USP48: variants seen among roughly 807,000 people sequenced by gnomAD.
USP48 encodes the protein ubiquitin carboxyl-terminal hydrolase 48.
In USP48, 43 loss-of-function variants were observed where a neutral mutation model predicts 150.7. That is an observed-to-expected ratio of 0.29 (90% CI 0.22 to 0.37). The LOEUF (loss-of-function observed/expected upper bound fraction) is 0.37. USP48 is among the 10% of genes least tolerant of loss of function. The pLI is 1.00. For synonymous variants in USP48, 396 were observed against 425.9 expected, an observed-to-expected ratio of 0.93 and a Z score of 0.86; for missense variants, 813 against 1,249.6, an observed-to-expected ratio of 0.65 and a Z score of 5.27.
Position 21,687,081 on chromosome 1 carries a change from C to T in USP48, c.3058+110G>A, listed in dbSNP as rs577356833. On this transcript the variant is annotated intron_variant, in intron 25 of 26. Coordinates refer to ENST00000308271, the MANE Select transcript of USP48 (RefSeq NM_032236.8). ...ATTCTACTGTAACAATATGTGGAAG[C>T]TTTTTTCAAGGTTCAAAGTAAAAGC... The T allele has an allele frequency of 5.9e-6, 6 of 1,011,774 alleles. No individual in the cohort carries two copies. The South Asian group carries it at 7.3e-5, about 12-fold the overall frequency. 62.7% of individuals were successfully genotyped at this position (1,011,774 alleles called of 1,614,324 possible).
At chr1:21,685,476 G>A (rs1304958397) in intron 25 of USP48, among the ~76,000 whole-genome samples, 3 of 151,802 alleles carry the variant, frequency 2.0e-5, no homozygotes, top group Non-Finnish European at 4.4e-5. Context: ...TACTACGCCT[G>A]GTTAATTTTT....
intron 23 of USP48, among the ~76,000 whole-genome samples, chr1:21,694,119 T>TA (rs1158528841): frequency 1.3e-5 from 2 of 152,166 alleles, no homozygotes; most frequent in African/African-American, 4.8e-5. Context: ...TCAGTATTGA[T>TA]ACCAAGAAAT....
At chr1:21,689,042 A>G (rs1382743417) in intron 24 of USP48, among the ~76,000 whole-genome samples, 8 of 151,926 alleles carry the variant, frequency 5.3e-5, no homozygotes, top group Non-Finnish European at 1.2e-4. Context: ...CTTTAATACT[A>G]TGACGTATGG....
At chr1:21,739,468 G>A (rs140525509) in intron 8 of USP48, among the ~76,000 whole-genome samples, 2,061 of 130,942 alleles carry the variant, frequency 0.016, 22 homozygotes, top group Non-Finnish European at 0.023. Context: ...GCAGTGAGCC[G>A]AGATCATGCC....
chr1:21,710,250 A>G (rs2097686726), intron 15 of USP48, among the ~76,000 whole-genome samples: 1 of 152,202 alleles, frequency 6.6e-6, no homozygotes, highest in Non-Finnish European at 1.5e-5. Flanking sequence ...AGTAAACATA[A>G]CTAGAATATC....
chr1:21,718,031 G>A (rs1156666532), intron 14 of USP48, among the ~76,000 whole-genome samples: 1 of 152,196 alleles, frequency 6.6e-6, no homozygotes, highest in Non-Finnish European at 1.5e-5. Context: ...TGCATATATT[G>A]AAGAAAATTT....
At chr1:21,751,729 C>T (rs138475225) in intron 5 of USP48, 114 bp from the exon 6 acceptor site, 1 of 789,686 alleles carries the variant, frequency 1.3e-6, no homozygotes, top group African/African-American at 1.7e-5. Context: ...ATTAGTTCTC[C>T]TTCACAGAAA....
chr1:21,694,586 A>AAC (rs2097617485), intron 23 of USP48, among the ~76,000 whole-genome samples: 1 of 130,066 alleles, frequency 7.7e-6, no homozygotes, highest in African/African-American at 2.8e-5. Flanking sequence ...AAAAAAAAAA[A>AAC]AAAAAAAAAA....
intron 26 of USP48, among the ~76,000 whole-genome samples, chr1:21,680,182 A>ACAACCTGC (rs1024557588): frequency 4.6e-5 from 7 of 152,338 alleles, no homozygotes; most frequent in Non-Finnish European, 8.8e-5. Context: ...TTAGAAAATC[A>ACAACCTGC]CAACCTGCCA....
rs369226345 is a variant in USP48 at position 21,724,100 on chromosome 1, G to C, written c.1451-5C>G. The C allele has an allele frequency of 3.1e-6, 5 of 1,613,962 alleles. No individual in the cohort carries two copies. Among genetic ancestry groups the C allele is most frequent in the Non-Finnish European group, 4.2e-6 (5 of 1,179,898 alleles). The stretch of plus-strand genomic sequence containing the variant: ...GAGAGACAAACTCATAGGGCTCTGA[G>C]AAAGCAAGCATCGGAAAGAGCCTAT... On this transcript the variant is annotated splice_region_variant and splice_polypyrimidine_tract_variant and intron_variant, in intron 11 of 26. Coordinates refer to ENST00000308271, the MANE Select transcript of USP48 (RefSeq NM_032236.8).
chr1:21,741,119 A>C (rs2097780512), intron 8 of USP48, among the ~76,000 whole-genome samples: 1 of 152,254 alleles, frequency 6.6e-6, no homozygotes, highest in African/African-American at 2.4e-5. Context: ...TGAGAATAAT[A>C]AATCAATTAA....
chr1:21,704,975 G>A (rs889710571), intron 19 of USP48, among the ~76,000 whole-genome samples: 6 of 152,108 alleles, frequency 3.9e-5, no homozygotes, highest in Admixed American at 2.0e-4. Context: ...AAAGAGAAGA[G>A]AGATGCACAG....
At chr1:21,760,250 A>G (rs1381943911) in intron 1 of USP48, among the ~76,000 whole-genome samples, 6 of 152,248 alleles carry the variant, frequency 3.9e-5, no homozygotes, top group Non-Finnish European at 7.3e-5. Context: ...TGAATGTAAC[A>G]TAAGCTTAGG....
At chr1:21,706,024 A>C in intron 18 of USP48, 102 bp downstream of exon 18, 2 of 1,306,888 alleles carry the variant, frequency 1.5e-6, no homozygotes. Flanking sequence ...GAAAGTAACC[A>C]TGAAGGAAGG....
intron 1 of USP48, among the ~76,000 whole-genome samples, chr1:21,761,071 GACA>G (rs1001024211): frequency 6.6e-6 from 1 of 150,746 alleles, no homozygotes; most frequent in Non-Finnish European, 1.5e-5. Context: ...CTCCAGCCTG[GACA>G]ACAAGTGGAA....
intron 1 of USP48, among the ~76,000 whole-genome samples, chr1:21,778,784 T>C (rs2097906822): frequency 6.6e-6 from 1 of 151,312 alleles, no homozygotes; most frequent in Admixed American, 6.6e-5. Context: ...GGAGTCTCGT[T>C]CTGTCACCCA....
At chr1:21,706,098 A>G (rs200772847) in intron 18 of USP48, 28 bp downstream of exon 18, 74 of 1,606,522 alleles carry the variant, frequency 4.6e-5, no homozygotes, top group Non-Finnish European at 6.0e-5. Context: ...AGTAACAATA[A>G]AGGAAATAAA....
chr1:21,756,942 C>T (rs2097837613), intron 2 of USP48: 2 of 985,380 alleles, frequency 2.0e-6, no homozygotes, highest in Non-Finnish European at 2.4e-6. Flanking sequence ...TCTAGCATAT[C>T]GTCTTCTCCA....
intron 15 of USP48, among the ~76,000 whole-genome samples, chr1:21,713,147 G>A (rs1339470854): frequency 6.7e-6 from 1 of 149,544 alleles, no homozygotes; most frequent in Non-Finnish European, 1.5e-5. Flanking sequence ...TGGTCGCCCA[G>A]GCTGGAGTAC....
Sources: allele counts gnomAD v4.1 joint callset (sites outside exome capture counted in the v4.1 genomes callset), GRCh38; gene constraint gnomAD v4.1.1; transcripts MANE v1.5; gene names NCBI Gene and HGNC (gene_info 2026-07-23, HGNC 2026-07-21).